The following RBFOX1 variants were observed in gnomAD, a reference collection of about 807,000 sequenced individuals.
The protein encoded by RBFOX1 is RNA binding fox-1 homolog 1.
RBFOX1 carries 8 observed loss-of-function variants against 57.7 expected under a neutral mutation model. The ratio of observed to expected loss-of-function variants is 0.14; its 90% CI spans 0.08 to 0.25. The LOEUF (loss-of-function observed/expected upper bound fraction) is 0.25, where lower values mean the gene tolerates loss of function less well. RBFOX1 is among the 10% of genes least tolerant of loss of function. The pLI, the probability that RBFOX1 is intolerant of heterozygous loss-of-function variation, is 1.00. For missense variants in RBFOX1, 611 were observed against 548.5 expected (o/e 1.11, Z -1.14); for synonymous variants, 326 against 222.4 (o/e 1.47, Z -4.15).
intron 3 of RBFOX1, among the ~76,000 whole-genome samples, chr16:5,846,658 C>T (rs1027677089): frequency 6.6e-6 from 1 of 152,186 alleles, no homozygotes; most frequent in Non-Finnish European, 1.5e-5. Context: ...CCACACTCAG[C>T]TGTCTTCATC....
At chr16:6,444,249 C>T (rs200480889) in intron 2 of RBFOX1, among the ~76,000 whole-genome samples, 2 of 152,088 alleles carry the variant, frequency 1.3e-5, no homozygotes, top group Non-Finnish European at 2.9e-5. Context: ...ATTGAATATG[C>T]TCTCCCCAGG....
At chr16:7,109,527 C>A (rs183779310) in intron 4 of RBFOX1, among the ~76,000 whole-genome samples, 2 of 152,068 alleles carry the variant, frequency 1.3e-5, no homozygotes, top group East Asian at 1.9e-4. Context: ...GAGTGACTCA[C>A]CTAAAAAGAG....
At position 7,190,605 on chromosome 16, in the gene RBFOX1, G is replaced by A. The variant is rs556290461; in HGVS notation, c.27+138507G>A. On this transcript the variant is annotated intron_variant, in intron 4 of 15. Coordinates refer to ENST00000550418, the MANE Select transcript of RBFOX1 (RefSeq NM_018723.4). ...GCTAAGAGGGTAGGTGTAGTACTGA[G>A]GTATAGAGGGTTGGTAGAGTGGTAT... Among the ~76,000 whole-genome samples, 15 of 152,132 alleles carry A rather than the reference G, an allele frequency of 9.9e-5. No individual in the cohort carries two copies. In the South Asian group the frequency reaches 2.3e-3, roughly 23 times the overall value.
At chr16:6,831,411 G>A (rs1463346428) in intron 3 of RBFOX1, among the ~76,000 whole-genome samples, 3 of 152,120 alleles carry the variant, frequency 2.0e-5, no homozygotes, top group Non-Finnish European at 4.4e-5. Flanking sequence ...GCAAAAAACA[G>A]GAATACTCTG....
intron 3 of RBFOX1, among the ~76,000 whole-genome samples, chr16:5,819,198 C>G (rs981801076): frequency 6.6e-6 from 1 of 152,308 alleles, no homozygotes; most frequent in South Asian, 2.1e-4. Context: ...GCTTCAGTGT[C>G]TGCTAAGGGC....
intron 4 of RBFOX1, among the ~76,000 whole-genome samples, chr16:7,361,472 T>G: frequency 6.6e-6 from 1 of 152,204 alleles, no homozygotes; most frequent in East Asian, 1.9e-4. Flanking sequence ...GGTTACCTGG[T>G]CCCCTGCTTG....
intron 4 of RBFOX1, among the ~76,000 whole-genome samples, chr16:7,438,792 G>A (rs991871834): frequency 3.9e-5 from 6 of 152,100 alleles, no homozygotes; most frequent in African/African-American, 4.8e-5. Context: ...ATTCAATAGC[G>A]TAGCCTTGAT....
At chr16:5,832,863 G>A (rs1445679895) in intron 3 of RBFOX1, among the ~76,000 whole-genome samples, 1 of 152,108 alleles carries the variant, frequency 6.6e-6, no homozygotes, top group African/African-American at 2.4e-5. Context: ...GTTATTTGAA[G>A]GTTTGCTGCA....
chr16:6,441,827 C>G (rs867720099), intron 2 of RBFOX1, among the ~76,000 whole-genome samples: 2 of 152,122 alleles, frequency 1.3e-5, no homozygotes, highest in African/African-American at 4.8e-5. Context: ...TAAACACTCT[C>G]TGTCTCATCC....
intron 2 of RBFOX1, among the ~76,000 whole-genome samples, chr16:6,645,722 A>C (rs929344382): frequency 6.6e-6 from 1 of 152,160 alleles, no homozygotes; most frequent in African/African-American, 2.4e-5. Flanking sequence ...AGGTTTCACA[A>C]AGCCTGTTGG....
At chr16:6,034,289 G>A (rs1414774795) in intron 1 of RBFOX1, among the ~76,000 whole-genome samples, 19 of 117,586 alleles carry the variant, frequency 1.6e-4, no homozygotes, top group African/African-American at 4.4e-4. Context: ...CTGAGATTGC[G>A]CCACTGCACT....
chr16:6,654,657 C>A lies in RBFOX1; in HGVS notation c.-16+7C>A. ...GGAAATAGAAGACAGAAAGGTGAGT[C>A]AATATTTTTCATTTTTAGGGTTGCA... On this transcript the variant is annotated splice_region_variant and intron_variant, in intron 3 of 15. Transcript: ENST00000550418. 1 of 1,505,998 alleles carries A rather than the reference C, an allele frequency of 6.6e-7. No individual in the cohort carries two copies. Among genetic ancestry groups the A allele is most frequent in the Non-Finnish European group, 8.8e-7 (1 of 1,135,758 alleles). The allele number at this position is 1,505,998 out of a possible 1,614,324, so 93.3% of individuals were successfully genotyped here.
rs547551866 is a variant in RBFOX1, at chr16:7,013,496, C to G, written c.-15-38561C>G. Among the ~76,000 whole-genome samples, 12 of 152,260 alleles carry G rather than the reference C, an allele frequency of 7.9e-5. No individual in the cohort carries two copies. In the South Asian group the frequency reaches 2.3e-3, roughly 29 times the overall value. ...GGAGTGAAGGCATGCCTCTAAATAT[C>G]CTGCATTACACAGGACAGTCCCCAA... On this transcript the variant is annotated intron_variant, in intron 3 of 15. Coordinates refer to ENST00000550418, the MANE Select transcript of RBFOX1 (RefSeq NM_018723.4).
chr16:5,935,449 G>C lies in RBFOX1; in HGVS notation c.351+68114G>C, dbSNP rs192278587. The stretch of plus-strand genomic sequence containing the variant: ...AAGGAGATTTAGGAATGGCTGGTTT[G>C]AATAATGGCAGAGAGGTCTGGGGCA... On this transcript the variant is annotated intron_variant, in intron 4 of 19. Transcript: ENST00000641259. 2.4e-3 allele frequency among the ~76,000 whole-genome samples: 364 copies of C among 152,302 alleles called. 3 individuals are homozygous for C. Among genetic ancestry groups the C allele is most frequent in the Non-Finnish European group, 3.7e-3 (255 of 68,028 alleles).
intron 4 of RBFOX1, among the ~76,000 whole-genome samples, chr16:7,387,158 G>T (rs752529634): frequency 6.6e-6 from 1 of 151,688 alleles, no homozygotes; most frequent in South Asian, 2.1e-4. Flanking sequence ...TAAAAATTTT[G>T]TCCCATTCTG....
intron 2 of RBFOX1, among the ~76,000 whole-genome samples, chr16:6,520,890 GA>G (rs145315903): frequency 0.011 from 1,676 of 152,122 alleles, 35 homozygotes; most frequent in African/African-American, 0.035. Context: ...GTTGCTGAGA[GA>G]AAAAAATCCA....
intron 1 of RBFOX1, among the ~76,000 whole-genome samples, chr16:5,424,179 G>T (rs1024231322): frequency 6.6e-6 from 1 of 152,038 alleles, no homozygotes; most frequent in Non-Finnish European, 1.5e-5. Context: ...TCTCTCTCTC[G>T]TTCTCTCTCG....
chr16:5,406,318 C>G (rs993189878), intron 1 of RBFOX1, among the ~76,000 whole-genome samples: 14 of 151,604 alleles, frequency 9.2e-5, no homozygotes. Flanking sequence ...GCCATCCAAT[C>G]CGTCAAAGGT....
At chr16:7,234,939 G>A (rs1603423337) in intron 4 of RBFOX1, among the ~76,000 whole-genome samples, 1 of 151,992 alleles carries the variant, frequency 6.6e-6, no homozygotes, top group Non-Finnish European at 1.5e-5. Flanking sequence ...CTGTAGACTT[G>A]CTTTTATGCC....
Sources: allele counts gnomAD v4.1 joint callset (sites outside exome capture counted in the v4.1 genomes callset), GRCh38; gene constraint gnomAD v4.1.1; transcripts MANE v1.5; gene names NCBI Gene and HGNC (gene_info 2026-07-23, HGNC 2026-07-21).